The following GRB10 variants were observed in gnomAD, a reference collection of about 807,000 sequenced individuals.
The protein encoded by GRB10 is growth factor receptor bound protein 10, also known as growth factor receptor-bound protein 10.
In GRB10, 20 loss-of-function variants were observed where a neutral mutation model predicts 80.9. That is an observed-to-expected ratio of 0.25 (90% CI 0.17 to 0.36). GRB10 has a LOEUF of 0.36. Ranked by LOEUF, GRB10 falls within the 10% of genes least tolerant of loss-of-function variation. GRB10 has a pLI of 1.00. For synonymous variants in GRB10, 291 were observed against 291.5 expected (o/e 1.00, Z 0.02); for missense variants, 548 against 747.7 (o/e 0.73, Z 3.12).
Position 50,633,138 on chromosome 7 carries a change from C to T in GRB10, c.505-6160G>A, listed in dbSNP as rs542588329. ...TGAACTGCATAACTCAAAGTAATTC[C>T]TGCTGACAGTATACAGCGGTGGGGG... On this transcript the variant is annotated intron_variant, in intron 7 of 18. Coordinates refer to ENST00000401949, the MANE Select transcript of GRB10 (RefSeq NM_001350814.2). Among the ~76,000 whole-genome samples, 10 of 152,294 alleles carry T rather than the reference C, an allele frequency of 6.6e-5. No individual in the cohort carries two copies. The East Asian group carries it at 7.7e-4, about 12-fold the overall frequency.
At chr7:50,786,986 G>C (rs1446745508), upstream of GRB10, among the ~76,000 whole-genome samples, 8 of 152,318 alleles carry the variant, frequency 5.3e-5, no homozygotes, top group Non-Finnish European at 8.8e-5. Flanking sequence ...AAGTTTGGAG[G>C]GAAGAATGGT....
intron 7 of GRB10, among the ~76,000 whole-genome samples, chr7:50,651,425 T>C (rs1406816320): frequency 6.6e-6 from 1 of 152,190 alleles, no homozygotes; most frequent in Non-Finnish European, 1.5e-5. Flanking sequence ...TATGTGGCAT[T>C]CTCGTCCCGT....
intron 7 of GRB10, among the ~76,000 whole-genome samples, chr7:50,653,708 G>A (rs143879322): frequency 6.3e-4 from 96 of 152,300 alleles, no homozygotes; most frequent in African/African-American, 2.3e-3. Context: ...GATGCATCGG[G>A]AAGAGACTTA....
chr7:50,783,149 G>A (rs943677568), upstream of GRB10, among the ~76,000 whole-genome samples: 2 of 152,216 alleles, frequency 1.3e-5, no homozygotes, highest in African/African-American at 2.4e-5. Context: ...TCGCGGCCGC[G>A]GCAAGCTAGA....
intron 4 of GRB10, among the ~76,000 whole-genome samples, chr7:50,719,062 T>G (rs536320282): frequency 7.9e-5 from 12 of 152,250 alleles, no homozygotes; most frequent in Admixed American, 2.6e-4. Flanking sequence ...TCCTGCCCTA[T>G]GGAGTTTGTA....
intron 4 of GRB10, among the ~76,000 whole-genome samples, chr7:50,709,954 T>C (rs1380884681): frequency 6.6e-6 from 1 of 151,772 alleles, no homozygotes; most frequent in Non-Finnish European, 1.5e-5. Context: ...ACCCAGCTGG[T>C]GTTCCTTGAC....
At chr7:50,790,914 T>TG (rs2078885331) in intron 1 of GRB10, among the ~76,000 whole-genome samples, 1 of 152,196 alleles carries the variant, frequency 6.6e-6, no homozygotes, top group Non-Finnish European at 1.5e-5. Flanking sequence ...GAGCTAACTC[T>TG]TCGAGTCTGA....
chr7:50,765,202 C>T (rs1414336229), intron 2 of GRB10, among the ~76,000 whole-genome samples: 3 of 152,146 alleles, frequency 2.0e-5, no homozygotes. Flanking sequence ...AAGGGGACCC[C>T]CTATACTCTG....
At chr7:50,742,314 C>CACAT (rs1563676656) in intron 3 of GRB10, among the ~76,000 whole-genome samples, 120 of 147,986 alleles carry the variant, frequency 8.1e-4, no homozygotes, top group Admixed American at 2.1e-3. Context: ...CACACACACA[C>CACAT]ATACACGGCA....
intron 4 of GRB10, among the ~76,000 whole-genome samples, chr7:50,721,477 A>G (rs751524693): frequency 7.2e-5 from 11 of 152,234 alleles, no homozygotes; most frequent in Non-Finnish European, 1.2e-4. Flanking sequence ...TAACAGCGCC[A>G]AAGTGAAGAG....
chr7:50,712,457 C>T (rs1186068997), intron 4 of GRB10, among the ~76,000 whole-genome samples: 2 of 152,234 alleles, frequency 1.3e-5, no homozygotes, highest in Non-Finnish European at 2.9e-5. Context: ...CAATTGTATT[C>T]ACACAGGCTG....
chr7:50,783,661 G>A (rs959332364), upstream of GRB10, among the ~76,000 whole-genome samples: 1 of 152,186 alleles, frequency 6.6e-6, no homozygotes, highest in Non-Finnish European at 1.5e-5. Context: ...TAAGCAGTAA[G>A]CAGATTTTCT....
chr7:50,615,186 T>C (rs2050363668), intron 11 of GRB10, among the ~76,000 whole-genome samples: 2 of 152,178 alleles, frequency 1.3e-5, no homozygotes, highest in South Asian at 4.1e-4. Context: ...AGAAAATCTA[T>C]AACCCAAAGG....
intron 3 of GRB10, among the ~76,000 whole-genome samples, chr7:50,748,664 G>T (rs1413120188): frequency 6.6e-6 from 1 of 152,190 alleles, no homozygotes; most frequent in Non-Finnish European, 1.5e-5. Flanking sequence ...GAGGAGCCTG[G>T]AGTTCAGGAA....
chr7:50,645,495 A>C, intron 7 of GRB10: 4 of 552,280 alleles, frequency 7.2e-6, no homozygotes, highest in Non-Finnish European at 9.2e-6. Context: ...TTTGGGCACT[A>C]ACTCCTTTAA....
chr7:50,769,841 T>C (rs987707464), intron 2 of GRB10, among the ~76,000 whole-genome samples: 4 of 152,052 alleles, frequency 2.6e-5, no homozygotes, highest in Admixed American at 1.3e-4. Flanking sequence ...CCCGTTGCTG[T>C]CGATTAACAC....
At chr7:50,757,374 A>T (rs1157360061) in intron 2 of GRB10, among the ~76,000 whole-genome samples, 1 of 152,250 alleles carries the variant, frequency 6.6e-6, no homozygotes, top group Non-Finnish European at 1.5e-5. Context: ...ATGTATACTC[A>T]TCATTAACTA....
intron 4 of GRB10, among the ~76,000 whole-genome samples, chr7:50,725,163 G>A (rs2068414547): frequency 6.6e-6 from 1 of 152,222 alleles, no homozygotes; most frequent in Admixed American, 6.5e-5. Flanking sequence ...GGAGGAGCCT[G>A]GTGGTAGGTG....
At chr7:50,627,900 G>C (rs1282525948) in intron 7 of GRB10, among the ~76,000 whole-genome samples, 4 of 152,226 alleles carry the variant, frequency 2.6e-5, no homozygotes, top group Non-Finnish European at 1.5e-5. Context: ...CTGGGGGGCA[G>C]GCTGTCTCCG....
Sources: gnomAD v4.1 joint callset for allele counts (sites outside exome capture counted in the v4.1 genomes callset) on GRCh38, gnomAD v4.1.1 for gene constraint, MANE v1.5 for transcripts, NCBI Gene and HGNC (gene_info 2026-07-23, HGNC 2026-07-21) for gene names.